PDS5B: variants seen among roughly 807,000 people sequenced by gnomAD.
PDS5B encodes sister chromatid cohesion protein PDS5 homolog B.
PDS5B carries 51 observed loss-of-function variants against 184.1 expected under a neutral mutation model. The observed-to-expected ratio is 0.28, with a 90% CI of 0.22 to 0.35. PDS5B has a LOEUF of 0.35. Among genes scored for constraint, PDS5B ranks in the 10% least tolerant of loss-of-function variants. PDS5B has a pLI of 1.00. For synonymous variants in PDS5B, 566 were observed against 569.2 expected (o/e 0.99, Z 0.08); for missense variants, 1,180 against 1,723.3 (o/e 0.68, Z 5.58).
chr13:32,740,136 T>A (rs1397486401), intron 21 of PDS5B, among the ~76,000 whole-genome samples: 1 of 152,206 alleles, frequency 6.6e-6, no homozygotes, highest in African/African-American at 2.4e-5. Context: ...TCTTCAGTAC[T>A]GTTTTTTGGA....
intron 5 of PDS5B, 59 bp from the exon 6 acceptor site, chr13:32,659,095 T>G (rs965033483): frequency 1.4e-4 from 183 of 1,308,288 alleles, no homozygotes; most frequent in Non-Finnish European, 1.0e-4. Context: ...AGTGTCATCT[T>G]AAGAGTAAAT....
intron 19 of PDS5B, 102 bp from the exon 20 acceptor site, chr13:32,731,999 G>T (rs559954903): frequency 1.0e-6 from 1 of 959,374 alleles, no homozygotes; most frequent in East Asian, 2.8e-5. Flanking sequence ...GACTTTTTCT[G>T]ACCTTGTAAA....
At chr13:32,683,758 T>C in intron 10 of PDS5B, 120 bp from the exon 11 acceptor site, 1 of 598,880 alleles carries the variant, frequency 1.7e-6, no homozygotes, top group Non-Finnish European at 2.9e-6. Context: ...GGCTCTTAAT[T>C]TTCTTGAAAC....
Position 32,675,893 on chromosome 13 carries a change from T to C in PDS5B, c.896T>C (p.Met299Thr). ...RLQVVKLLAK[M>T]FGAKDSELAS... ...CAAGTTGTTAAACTACTGGCAAAAA[T>C]GTTTGGGGCAAAGGATTCAGAATTG... Residue 299 changes from methionine (M) to threonine (T), a missense_variant, in exon 9 of 35, where the codon ATG becomes ACG. Met to Thr is a moderately conservative substitution (Grantham distance 81). Around this residue, in one of 11 missense-constraint regions of PDS5B, gnomAD observed 475 missense variants for 691.5 expected, o/e 0.69. Transcript: ENST00000315596. 1 of 1,613,850 alleles carries C rather than the reference T, an allele frequency of 6.2e-7. No homozygotes were observed. The highest frequency in any genetic ancestry group is 8.5e-7 in the Non-Finnish European group (1 of 1,179,810).
rs7993292 is a variant in PDS5B at position 32,695,016 on chromosome 13, T to C, written c.1551+712T>C. Among the ~76,000 whole-genome samples, 1,183 of 151,992 alleles carry C rather than the reference T, an allele frequency of 7.8e-3. 8 individuals carry two copies. The highest frequency in any genetic ancestry group is 0.022 in the African/African-American group (921 of 41,534). On this transcript the variant is annotated intron_variant, in intron 14 of 34. Transcript: ENST00000315596. ...ATCTCCCTTCCACACATACACTTCA[T>C]AGGACAGAGGTCAATGGAGCAGTGT...
At chr13:32,716,762 C>T (rs111648135) in intron 19 of PDS5B, among the ~76,000 whole-genome samples, 1 of 138,864 alleles carries the variant, frequency 7.2e-6, no homozygotes, top group African/African-American at 2.6e-5. Flanking sequence ...GGCCCCTCTG[C>T]CCGGCCAGCC....
intron 1 of PDS5B, among the ~76,000 whole-genome samples, chr13:32,620,329 T>G (rs1399618796): frequency 3.3e-5 from 5 of 152,190 alleles, no homozygotes; most frequent in African/African-American, 9.6e-5. Flanking sequence ...CTTTTTCTTT[T>G]CTTAGTATGC....
At chr13:32,716,670 G>C (rs1952438076) in intron 19 of PDS5B, among the ~76,000 whole-genome samples, 1 of 137,866 alleles carries the variant, frequency 7.3e-6, no homozygotes, top group Non-Finnish European at 1.6e-5. Flanking sequence ...GAGGTGGGGG[G>C]GGTCAGCCCC....
intron 1 of PDS5B, among the ~76,000 whole-genome samples, chr13:32,590,261 C>T (rs748626035): frequency 6.6e-6 from 1 of 152,150 alleles, no homozygotes; most frequent in Non-Finnish European, 1.5e-5. Flanking sequence ...TTCCACTAGC[C>T]TGCCATTCTC....
chr13:32,736,202 T>C (rs1399506084), intron 21 of PDS5B, among the ~76,000 whole-genome samples: 1 of 152,114 alleles, frequency 6.6e-6, no homozygotes, highest in Non-Finnish European at 1.5e-5. Flanking sequence ...GCAGTTAATG[T>C]TTATTTAGAT....
Position 32,654,298 on chromosome 13 carries a change from C to G in PDS5B, c.312+2291C>G, listed in dbSNP as rs368011720. Among the ~76,000 whole-genome samples, 113 of 152,256 alleles carry G rather than the reference C, an allele frequency of 7.4e-4. 2 individuals are homozygous for G. In the East Asian group the frequency reaches 0.019, roughly 25 times the overall value. On this transcript the variant is annotated intron_variant, in intron 3 of 34. Coordinates refer to ENST00000315596, the MANE Select transcript of PDS5B (RefSeq NM_015032.4). Reference sequence around the variant, plus strand: ...GATTAGAAAATTGTGATATTTGAGCCTTACCTTTCCACTTTCAGTTAGTTA... The same window carrying G: ...GATTAGAAAATTGTGATATTTGAGCGTTACCTTTCCACTTTCAGTTAGTTA...
intron 8 of PDS5B, among the ~76,000 whole-genome samples, chr13:32,673,691 C>T (rs901080691): frequency 6.6e-6 from 1 of 152,132 alleles, no homozygotes; most frequent in African/African-American, 2.4e-5. Context: ...TTCCTTTGAC[C>T]ACTGAGGCCA....
chr13:32,635,662 A>G (rs1046544618), intron 1 of PDS5B, among the ~76,000 whole-genome samples: 1 of 149,776 alleles, frequency 6.7e-6, no homozygotes, highest in African/African-American at 2.5e-5. Context: ...GATTAGTGCC[A>G]TTGTAGTCGC....
At chr13:32,733,873 A>T (rs143912898) in intron 20 of PDS5B, among the ~76,000 whole-genome samples, 78 of 152,198 alleles carry the variant, frequency 5.1e-4, no homozygotes, top group African/African-American at 1.8e-3. Flanking sequence ...AAGTAAGGGC[A>T]TGTAAATATG....
intron 17 of PDS5B, 128 bp from the exon 18 acceptor site, chr13:32,706,806 A>G (rs1029774125): frequency 4.3e-6 from 2 of 462,416 alleles, no homozygotes; most frequent in African/African-American, 2.0e-5. Context: ...GTTAAAAACC[A>G]GCTATATCAA....
At chr13:32,610,079 T>C (rs555789445) in intron 1 of PDS5B, among the ~76,000 whole-genome samples, 14 of 152,136 alleles carry the variant, frequency 9.2e-5, no homozygotes, top group Admixed American at 2.6e-4. Context: ...GAGAATTTCT[T>C]GTAACATGAA....
In PDS5B at chr13:32,773,794, T is replaced by C. The variant is rs536543432; in HGVS notation, c.4308+470T>C. 2.3e-4 allele frequency among the ~76,000 whole-genome samples: 35 copies of C among 152,256 alleles called. No individual in the cohort carries two copies. In the South Asian group the frequency reaches 3.7e-3, roughly 16 times the overall value. On this transcript the variant is annotated intron_variant, in intron 34 of 34. Transcript: ENST00000315596. ...TACTTATTTTGCAAAAGTAGGTATG[T>C]GTTACTTCCTGACTTTTTTGTTTTT...
intron 1 of PDS5B, among the ~76,000 whole-genome samples, chr13:32,630,606 T>C (rs1593290058): frequency 6.6e-6 from 1 of 152,276 alleles, no homozygotes. Flanking sequence ...TCTGGTCTTT[T>C]TTGATAGTAG....
rs1353153449 is a variant in PDS5B at position 32,777,020 on chromosome 13, C to G, written c.*1968C>G. 1 of 152,262 alleles carries G rather than the reference C, an allele frequency of 6.6e-6. No homozygotes were observed. Among genetic ancestry groups the G allele is most frequent in the Non-Finnish European group, 1.5e-5 (1 of 67,886 alleles). 9.4% of individuals were successfully genotyped at this position (152,262 alleles called of 1,614,324 possible). ...TCTCCCAAACACATAATTTCTGTTT[C>G]AGCAGTACAAAGGCATGTTTTAAAA... On this transcript the variant is annotated 3_prime_UTR_variant, in exon 35 of 35. Transcript: ENST00000315596.
Sources: gnomAD v4.1 joint callset for allele counts (sites outside exome capture counted in the v4.1 genomes callset) on GRCh38, gnomAD v4.1.1 for gene constraint, gnomAD v4.1.1 regional missense constraint, MANE v1.5 for transcripts, NCBI Gene and HGNC (gene_info 2026-07-23, HGNC 2026-07-21) for gene names.